The following KIF3B variants were observed in gnomAD, a reference collection of about 807,000 sequenced individuals.
The protein encoded by KIF3B is kinesin family member 3B.
A neutral mutation model predicts 74.3 loss-of-function variants in KIF3B; 38 were observed. The ratio of observed to expected loss-of-function variants is 0.51; its 90% CI spans 0.39 to 0.67. KIF3B has a LOEUF of 0.67. Ranked by LOEUF, KIF3B falls within the 30% of genes least tolerant of loss-of-function variation. The probability of loss-of-function intolerance (pLI) is 0.00; values close to 1 mark genes in which losing one functional copy is unlikely to be tolerated. For synonymous variants in KIF3B, 326 were observed against 342.5 expected (o/e 0.95, Z 0.53); for missense variants, 649 against 932.0 (o/e 0.70, Z 3.95).
intron 6 of KIF3B, 70 bp from the exon 7 acceptor site, chr20:32,327,486 T>C: frequency 7.9e-7 from 1 of 1,266,330 alleles, no homozygotes; most frequent in Non-Finnish European, 1.1e-6. Context: ...CTTCAGGTTC[T>C]GTCAGTGTCT....
intron 1 of KIF3B, among the ~76,000 whole-genome samples, chr20:32,289,186 G>C (rs566149715): frequency 6.7e-6 from 1 of 149,332 alleles, no homozygotes; most frequent in East Asian, 2.0e-4. Flanking sequence ...TATTTGTTTG[G>C]TACTGGTCTG....
intron 5 of KIF3B, among the ~76,000 whole-genome samples, chr20:32,324,802 G>A (rs1396564234): frequency 6.6e-6 from 1 of 152,106 alleles, no homozygotes; most frequent in African/African-American, 2.4e-5. Flanking sequence ...GCTGAGGTGG[G>A]CAAATTGCCT....
intron 5 of KIF3B, among the ~76,000 whole-genome samples, chr20:32,320,630 T>C (rs1447834772): frequency 6.6e-6 from 1 of 151,884 alleles, no homozygotes; most frequent in African/African-American, 2.4e-5. Flanking sequence ...ATCTTCCTGC[T>C]TGAGCCTCCT....
At chr20:32,281,777 G>A (rs1033935328) in intron 1 of KIF3B, among the ~76,000 whole-genome samples, 1 of 152,272 alleles carries the variant, frequency 6.6e-6, no homozygotes, top group Non-Finnish European at 1.5e-5. Context: ...GGATGGTGAC[G>A]TTTTTGCTGA....
intron 1 of KIF3B, among the ~76,000 whole-genome samples, chr20:32,299,787 A>AT (rs1050504516): frequency 2.6e-5 from 4 of 151,404 alleles, no homozygotes; most frequent in South Asian, 2.1e-4. Context: ...TTGTTTCTAG[A>AT]TTTTTTTTGT....
intron 5 of KIF3B, among the ~76,000 whole-genome samples, chr20:32,325,904 G>A (rs1246461300): frequency 1.3e-5 from 2 of 151,714 alleles, no homozygotes; most frequent in East Asian, 1.9e-4. Context: ...CTGACCTCAG[G>A]CAATCCACTG....
chr20:32,298,965 T>TCC (rs2047729033), intron 1 of KIF3B, among the ~76,000 whole-genome samples: 1 of 152,134 alleles, frequency 6.6e-6, no homozygotes, highest in Admixed American at 6.6e-5. Context: ...ACCCATCCTA[T>TCC]CCCACTTTTT....
chr20:32,307,303 G>T (rs1301326203), intron 1 of KIF3B, among the ~76,000 whole-genome samples: 1 of 152,114 alleles, frequency 6.6e-6, no homozygotes, highest in Non-Finnish European at 1.5e-5. Context: ...AAACTATACT[G>T]TACACACTGT....
chr20:32,299,379 G>GTATATA (rs1555895040), intron 1 of KIF3B, among the ~76,000 whole-genome samples: 570 of 22,822 alleles, frequency 0.025, 12 homozygotes, highest in East Asian at 0.038. Flanking sequence ...TGGTGTGTGT[G>GTATATA]TATATATATA....
intron 2 of KIF3B, among the ~76,000 whole-genome samples, chr20:32,313,361 C>T (rs2047811548): frequency 6.6e-6 from 1 of 152,162 alleles, no homozygotes; most frequent in Admixed American, 6.5e-5. Context: ...GATTTCTATC[C>T]TAAAATGTCT....
At chr20:32,302,947 G>C (rs770078536) in intron 1 of KIF3B, among the ~76,000 whole-genome samples, 3 of 152,170 alleles carry the variant, frequency 2.0e-5, no homozygotes, top group Admixed American at 2.0e-4. Flanking sequence ...CTTTGAATGT[G>C]GCCCAACACA....
Position 32,310,860 on chromosome 20 carries a change from G to A in KIF3B, c.1083G>A (p.Glu361=), listed in dbSNP as rs199591784. Residue 361 remains glutamate (E), a synonymous_variant, in exon 2 of 9, where the codon GAG becomes GAA. Coordinates refer to ENST00000375712, the MANE Select transcript of KIF3B (RefSeq NM_004798.4). This position sits in a 1 kb window ranked among gnomAD's most constrained non-coding sequence, Gnocchi z 6.5. ...CCCTCCTTCGAGAATTCCAGGAAGA[G>A]ATTGCTCGGCTCAAGGCCCAGCTGG... The part of the protein sequence containing the change: ...KDALLREFQE[E]IARLKAQLEK... The A allele has an allele frequency of 1.7e-5, 27 of 1,613,372 alleles. No homozygotes were observed. In the African/African-American group the frequency reaches 3.6e-4, roughly 22 times the overall value.
chr20:32,305,452 A>G (rs1053867472), intron 1 of KIF3B, among the ~76,000 whole-genome samples: 23 of 151,830 alleles, frequency 1.5e-4, no homozygotes, highest in African/African-American at 5.3e-4. Context: ...CCTGCTTACT[A>G]CCTACCCCCA....
chr20:32,319,255 C>T (rs2047844605), intron 5 of KIF3B, among the ~76,000 whole-genome samples: 1 of 151,978 alleles, frequency 6.6e-6, no homozygotes, highest in African/African-American at 2.4e-5. Flanking sequence ...GCCACCATGC[C>T]CGGCCTCTCC....
chr20:32,285,079 A>C (rs1380564594), intron 1 of KIF3B, among the ~76,000 whole-genome samples: 1 of 149,252 alleles, frequency 6.7e-6, no homozygotes, highest in Non-Finnish European at 1.5e-5. Flanking sequence ...ATACCTGCAT[A>C]ACTAATTTTA....
chr20:32,313,620 G>A (rs1013625418), intron 2 of KIF3B, among the ~76,000 whole-genome samples: 1 of 152,186 alleles, frequency 6.6e-6, no homozygotes, highest in African/African-American at 2.4e-5. Flanking sequence ...TTGTTCCAGG[G>A]AGGGGTTCTG....
chr20:32,291,511 G>A (rs182704856), intron 1 of KIF3B, among the ~76,000 whole-genome samples: 12 of 152,088 alleles, frequency 7.9e-5, no homozygotes, highest in African/African-American at 2.9e-4. Context: ...TTTACCTCTA[G>A]AGGATAAGAA....
intron 7 of KIF3B, among the ~76,000 whole-genome samples, chr20:32,329,277 A>G (rs1223792796): frequency 3.3e-5 from 5 of 151,924 alleles, no homozygotes; most frequent in Non-Finnish European, 5.9e-5. Context: ...TCCTGACCTC[A>G]GGTGATCCAC....
intron 1 of KIF3B, among the ~76,000 whole-genome samples, chr20:32,308,848 T>A (rs2047785629): frequency 6.6e-6 from 1 of 151,694 alleles, no homozygotes; most frequent in Non-Finnish European, 1.5e-5. Context: ...CCCAAGTAGC[T>A]GGGACTATAG....
Sources: gnomAD v4.1 joint callset for allele counts (sites outside exome capture counted in the v4.1 genomes callset) on GRCh38, gnomAD v4.1.1 for gene constraint, Gnocchi (gnomAD v3.1) non-coding constraint, MANE v1.5 for transcripts, NCBI Gene and HGNC (gene_info 2026-07-23, HGNC 2026-07-21) for gene names.